The following PPP2R5E variants were observed in gnomAD, a reference collection of about 807,000 sequenced individuals.
The protein encoded by PPP2R5E is serine/threonine-protein phosphatase 2A 56 kDa regulatory subunit epsilon isoform.
PPP2R5E carries 4 observed loss-of-function variants against 65.3 expected under a neutral mutation model. The ratio of observed to expected loss-of-function variants is 0.06; its 90% CI spans 0.03 to 0.14. PPP2R5E has a LOEUF of 0.14. Ranked by LOEUF, PPP2R5E falls within the 10% of genes least tolerant of loss-of-function variation. The pLI is 1.00. For missense variants in PPP2R5E, 274 were observed against 556.1 expected (o/e 0.49, Z 5.10); for synonymous variants, 183 against 187.4 (o/e 0.98, Z 0.19).
chr14:63,495,701 A>AT (rs975131328), intron 2 of PPP2R5E, among the ~76,000 whole-genome samples: 1 of 148,452 alleles, frequency 6.7e-6, no homozygotes, highest in Non-Finnish European at 1.5e-5. Context: ...TTTTTTGTTC[A>AT]TTTTTTCAAG....
chr14:63,541,445 C>T (rs1432946325), intron 1 of PPP2R5E, among the ~76,000 whole-genome samples: 1 of 152,194 alleles, frequency 6.6e-6, no homozygotes, highest in Non-Finnish European at 1.5e-5. Flanking sequence ...TTGTTTAACC[C>T]TCTCGAGTTA....
chr14:63,380,076 C>T (rs908082777), intron 13 of PPP2R5E, among the ~76,000 whole-genome samples: 1 of 151,568 alleles, frequency 6.6e-6, no homozygotes. Context: ...TCAGATGACC[C>T]GCCCGCCTCA....
intron 2 of PPP2R5E, among the ~76,000 whole-genome samples, chr14:63,531,124 C>T (rs1035095052): frequency 2.6e-5 from 4 of 152,164 alleles, no homozygotes; most frequent in Admixed American, 1.3e-4. Flanking sequence ...GCCAAGATAG[C>T]GCCATTGCGC....
chr14:63,500,659 T>C lies in PPP2R5E; in HGVS notation c.157+38870A>G, dbSNP rs138727362. Among the ~76,000 whole-genome samples, 33 of 151,930 alleles carry C rather than the reference T, an allele frequency of 2.2e-4. No homozygotes were observed. In the East Asian group the frequency reaches 6.0e-3, roughly 28 times the overall value. ...TCTTGAGGCCAAGAGTTTGAGACAA[T>C]AGAGCAACATAGATAGGCAATATAG... is the stretch of plus-strand genomic sequence containing the variant. On this transcript the variant is annotated intron_variant, in intron 2 of 13. Transcript: ENST00000337537.
At chr14:63,381,919 G>A (rs1202797747) in intron 13 of PPP2R5E, 137 bp downstream of exon 13, 1 of 613,030 alleles carries the variant, frequency 1.6e-6, no homozygotes, top group Non-Finnish European at 2.9e-6. Context: ...AACATATACT[G>A]GTTGTTAAGT....
intron 2 of PPP2R5E, among the ~76,000 whole-genome samples, chr14:63,469,899 T>C (rs1890031666): frequency 6.6e-6 from 1 of 152,212 alleles, no homozygotes; most frequent in African/African-American, 2.4e-5. Flanking sequence ...AGTTTTATTA[T>C]TCTGGGTCAA....
chr14:63,483,363 G>C (rs1156685159), intron 2 of PPP2R5E, among the ~76,000 whole-genome samples: 1 of 152,120 alleles, frequency 6.6e-6, no homozygotes, highest in African/African-American at 2.4e-5. Flanking sequence ...GTGGGAATGA[G>C]GAGGAGATAC....
At chr14:63,503,200 C>A (rs529959492) in intron 2 of PPP2R5E, among the ~76,000 whole-genome samples, 2 of 152,114 alleles carry the variant, frequency 1.3e-5, no homozygotes, top group South Asian at 4.2e-4. Flanking sequence ...GGAAAGGCAT[C>A]ATCAGAGTGA....
Position 63,513,638 on chromosome 14 carries a change from CCTTT to C in PPP2R5E, c.157+25887_157+25890del, listed in dbSNP as rs571507415. Among the ~76,000 whole-genome samples the C allele has an allele frequency of 3.3e-5, 5 of 152,138 alleles. No homozygotes were observed. The South Asian group carries it at 6.2e-4, about 19-fold the overall frequency. ...TCCTGCAACAACAAACAGAAATTTT[CCTTT>C]CTAATTGTTTACTTAAAGTTAGAAT... On this transcript the variant is annotated intron_variant, in intron 2 of 13. Transcript: ENST00000337537.
intron 2 of PPP2R5E, among the ~76,000 whole-genome samples, chr14:63,460,891 T>TA (rs1325984088): frequency 6.6e-6 from 1 of 151,968 alleles, no homozygotes; most frequent in Non-Finnish European, 1.5e-5. Context: ...CACGCACACA[T>TA]ACACACATGC....
chr14:63,489,344 T>C (rs1026744472), intron 2 of PPP2R5E, among the ~76,000 whole-genome samples: 3 of 152,044 alleles, frequency 2.0e-5, no homozygotes, highest in Admixed American at 2.0e-4. Context: ...CTCTTCTTCA[T>C]GGATTTATAT....
chr14:63,531,139 G>T (rs1444188177), intron 2 of PPP2R5E, among the ~76,000 whole-genome samples: 1 of 152,174 alleles, frequency 6.6e-6, no homozygotes, highest in African/African-American at 2.4e-5. Context: ...TTGCGCTCCA[G>T]CCTGGGCAAC....
rs1446866059 is a variant in PPP2R5E at position 63,374,668 on chromosome 14, T to TATATATATATATATATAA, written c.*1340_*1341insTTATATATATATATATAT. 1 of 119,290 alleles carries TATATATATATATATATAA rather than the reference T, an allele frequency of 8.4e-6. No individual in the cohort carries two copies. The highest frequency in any genetic ancestry group is 3.2e-5 in the African/African-American group (1 of 31,470). The allele number at this position is 119,290 out of a possible 1,614,324, so 7.4% of individuals were successfully genotyped here. ...ATATATATATATATATATATATATA[T>TATATATATATATATATAA]AAAATACAGCCCTAGATTTTGTTTT... On this transcript the variant is annotated 3_prime_UTR_variant, in exon 14 of 14. Coordinates refer to ENST00000337537, the MANE Select transcript of PPP2R5E (RefSeq NM_006246.5).
At chr14:63,540,772 AG>A (rs1893867599) in intron 1 of PPP2R5E, among the ~76,000 whole-genome samples, 1 of 152,048 alleles carries the variant, frequency 6.6e-6, no homozygotes, top group South Asian at 2.1e-4. Context: ...ATATGTTAAC[AG>A]GAAAACATGA....
chr14:63,456,057 G>A (rs546269754), intron 2 of PPP2R5E, among the ~76,000 whole-genome samples: 2 of 152,216 alleles, frequency 1.3e-5, no homozygotes, highest in African/African-American at 4.8e-5. Flanking sequence ...ATGAGCCACC[G>A]CCCTGGCCAA....
intron 2 of PPP2R5E, among the ~76,000 whole-genome samples, chr14:63,527,106 T>C (rs1202650839): frequency 6.6e-6 from 1 of 151,976 alleles, no homozygotes; most frequent in African/African-American, 2.4e-5. Context: ...GAGGTGGGGG[T>C]TGCAGTGAGT....
intron 3 of PPP2R5E, among the ~76,000 whole-genome samples, chr14:63,422,749 A>C (rs1048302649): frequency 5.5e-4 from 77 of 138,878 alleles, no homozygotes; most frequent in Non-Finnish European, 1.1e-3. Flanking sequence ...AAAAAAAAAA[A>C]AAAAAAAAAA....
chr14:63,525,406 T>C (rs941758843), intron 2 of PPP2R5E, among the ~76,000 whole-genome samples: 1 of 152,196 alleles, frequency 6.6e-6, no homozygotes, highest in Non-Finnish European at 1.5e-5. Context: ...TTCAAATACC[T>C]TTTAAAATTC....
At chr14:63,422,743 A>C (rs1264938884) in intron 3 of PPP2R5E, among the ~76,000 whole-genome samples, 51 of 118,174 alleles carry the variant, frequency 4.3e-4, no homozygotes, top group African/African-American at 1.9e-3. Context: ...AAAAAAAAAA[A>C]AAAAAAAAAA....
Sources: gnomAD v4.1 joint callset for allele counts (sites outside exome capture counted in the v4.1 genomes callset) on GRCh38, gnomAD v4.1.1 for gene constraint, MANE v1.5 for transcripts, NCBI Gene and HGNC (gene_info 2026-07-23, HGNC 2026-07-21) for gene names.